Variants in ENOX1 observed in about 807,000 individuals in gnomAD.
ENOX1 encodes the protein candidate growth-related and time keeping constitutive hydroquinone (NADH) oxidase.
In ENOX1, 42 loss-of-function variants were observed where a neutral mutation model predicts 82.5. The observed-to-expected ratio is 0.51, with a 90% CI of 0.40 to 0.66. The LOEUF (loss-of-function observed/expected upper bound fraction) is 0.66. ENOX1 is among the 30% of genes least tolerant of loss of function. ENOX1 has a pLI of 0.00. For missense variants in ENOX1, 608 were observed against 811.6 expected, an observed-to-expected ratio of 0.75 and a Z score of 3.05; for synonymous variants, 271 against 282.2, an observed-to-expected ratio of 0.96 and a Z score of 0.40.
chr13:43,732,253 T>C (rs1480139179), intron 1 of ENOX1, among the ~76,000 whole-genome samples: 7 of 152,220 alleles, frequency 4.6e-5, no homozygotes, highest in Non-Finnish European at 1.0e-4. Context: ...TCCAAGGACC[T>C]GTTCCTGTTT....
At chr13:43,581,711 T>C (rs1437187522) in intron 2 of ENOX1, among the ~76,000 whole-genome samples, 1 of 152,192 alleles carries the variant, frequency 6.6e-6, no homozygotes, top group Non-Finnish European at 1.5e-5. Context: ...CTGTTGGCCT[T>C]TACTGTGCAG....
chr13:43,438,478 T>C (rs1791685099), intron 3 of ENOX1, among the ~76,000 whole-genome samples: 1 of 152,202 alleles, frequency 6.6e-6, no homozygotes, highest in African/African-American at 2.4e-5. Flanking sequence ...ATCCCAGGTT[T>C]CCACCTCAAA....
intron 5 of ENOX1, among the ~76,000 whole-genome samples, chr13:43,397,435 A>T (rs2053222259): frequency 6.6e-6 from 1 of 152,216 alleles, no homozygotes; most frequent in South Asian, 2.1e-4. Flanking sequence ...GAGTCACCTC[A>T]CATTAGGGTA....
At chr13:43,538,902 C>T (rs1223686321) in intron 2 of ENOX1, among the ~76,000 whole-genome samples, 2 of 152,138 alleles carry the variant, frequency 1.3e-5, no homozygotes, top group Non-Finnish European at 2.9e-5. Flanking sequence ...CAGCTCACTG[C>T]AGCCTCAAAC....
At chr13:43,774,920 G>A (rs1440405005) in intron 1 of ENOX1, among the ~76,000 whole-genome samples, 1 of 152,010 alleles carries the variant, frequency 6.6e-6, no homozygotes, top group East Asian at 1.9e-4. Flanking sequence ...CGTGATCTCG[G>A]CTCCCTGCAA....
At chr13:43,411,826 A>G (rs2054145345) in intron 5 of ENOX1, 90 bp downstream of exon 5, 2 of 1,524,212 alleles carry the variant, frequency 1.3e-6, no homozygotes, top group East Asian at 4.6e-5. Flanking sequence ...ACTGTGTCCA[A>G]CACTCGCGGT....
At chr13:43,414,344 T>A (rs1397295912) in intron 3 of ENOX1, among the ~76,000 whole-genome samples, 2 of 152,176 alleles carry the variant, frequency 1.3e-5, no homozygotes, top group Non-Finnish European at 2.9e-5. Context: ...AGATGAATCA[T>A]CATCATCATC....
rs576727638 is a variant in ENOX1, at chr13:43,697,603, C to T, written c.-284-30059G>A. 2.0e-5 allele frequency among the ~76,000 whole-genome samples: 3 copies of T among 152,274 alleles called. No individual in the cohort carries two copies. In the South Asian group the frequency reaches 6.2e-4, roughly 32 times the overall value. On this transcript the variant is annotated intron_variant, in intron 1 of 16. Coordinates refer to ENST00000690772, the MANE Select transcript of ENOX1 (RefSeq NM_001347969.2). ...CCATATCAGGACAGATCACCTGCCA[C>T]GGGATCAGGAGATGAAGGACAGAAC...
intron 1 of ENOX1, among the ~76,000 whole-genome samples, chr13:43,674,251 C>G (rs73479957): frequency 0.021 from 3,121 of 152,244 alleles, 124 homozygotes; most frequent in African/African-American, 0.072. Flanking sequence ...ACAAGACTCT[C>G]ACTCCCACAG....
intron 15 of ENOX1, among the ~76,000 whole-genome samples, chr13:43,229,521 G>A (rs1335647774): frequency 6.6e-5 from 10 of 152,204 alleles, no homozygotes; most frequent in Admixed American, 6.5e-4. Context: ...GACCTTGTGT[G>A]CCAGGGGAAA....
chr13:43,644,328 C>A (rs376010455), intron 2 of ENOX1, among the ~76,000 whole-genome samples: 86 of 152,212 alleles, frequency 5.7e-4, no homozygotes, highest in African/African-American at 2.0e-3. Flanking sequence ...TTTAAGGCAA[C>A]CCTTGCATTT....
At chr13:43,357,988 C>T (rs1009444919) in intron 7 of ENOX1, among the ~76,000 whole-genome samples, 4 of 152,126 alleles carry the variant, frequency 2.6e-5, no homozygotes, top group African/African-American at 9.7e-5. Context: ...TCCTCTGCAC[C>T]CAGGTAGGGA....
At chr13:43,543,431 T>C (rs935552024) in intron 2 of ENOX1, among the ~76,000 whole-genome samples, 3 of 152,082 alleles carry the variant, frequency 2.0e-5, no homozygotes, top group African/African-American at 7.2e-5. Flanking sequence ...ATGAGTGTTA[T>C]TGTGTGGGTA....
chr13:43,506,730 G>A lies in ENOX1; in HGVS notation c.-218-22578C>T, dbSNP rs1213599495. 7.7e-4 allele frequency among the ~76,000 whole-genome samples: 105 copies of A among 135,556 alleles called. 9 individuals are homozygous for A. Among genetic ancestry groups the A allele is most frequent in the African/African-American group, 2.6e-3 (97 of 37,974 alleles). The allele number at this position is 135,556 out of a possible 152,430, so 88.9% of individuals were successfully genotyped here. On this transcript the variant is annotated intron_variant, in intron 2 of 16. Transcript: ENST00000690772. ...AAACCATCATTCTCAGCAAACTATC[G>A]CAAGGACAAAAAACCCAACACCGCA... is the stretch of plus-strand genomic sequence containing the variant.
At chr13:43,584,875 G>A (rs1412414667) in intron 2 of ENOX1, among the ~76,000 whole-genome samples, 6 of 152,062 alleles carry the variant, frequency 3.9e-5, no homozygotes, top group Non-Finnish European at 8.8e-5. Context: ...ATCTCCATCC[G>A]CAGGCAAGAA....
chr13:43,645,306 T>C (rs910563211), intron 2 of ENOX1, among the ~76,000 whole-genome samples: 18 of 152,144 alleles, frequency 1.2e-4, no homozygotes, highest in African/African-American at 4.3e-4. Context: ...GAACTACAGG[T>C]GCATGCCACG....
At chr13:43,702,953 C>CAAAAAAAAAAAAAAAAA (rs60810191) in intron 1 of ENOX1, among the ~76,000 whole-genome samples, 2 of 51,010 alleles carry the variant, frequency 3.9e-5, no homozygotes, top group Non-Finnish European at 6.5e-5. Flanking sequence ...GACTCTGTCT[C>CAAAAAAAAAAAAAAAAA]AAAAAAAAAA....
chr13:43,340,960 T>C (rs2049017782), intron 9 of ENOX1, among the ~76,000 whole-genome samples: 1 of 152,222 alleles, frequency 6.6e-6, no homozygotes, highest in African/African-American at 2.4e-5. Flanking sequence ...AGACATATCA[T>C]GAAATCACTA....
chr13:43,768,042 T>C (rs1383235205), intron 1 of ENOX1, among the ~76,000 whole-genome samples: 1 of 152,214 alleles, frequency 6.6e-6, no homozygotes, highest in Non-Finnish European at 1.5e-5. Context: ...TGGTTCTGTA[T>C]TACATAACTC....
Sources: gnomAD v4.1 joint callset for allele counts (sites outside exome capture counted in the v4.1 genomes callset) on GRCh38, gnomAD v4.1.1 for gene constraint, MANE v1.5 for transcripts, NCBI Gene and HGNC (gene_info 2026-07-23, HGNC 2026-07-21) for gene names.